FOXP1: variants seen among roughly 807,000 people sequenced by gnomAD.
The protein encoded by FOXP1 is forkhead box P1, also known as forkhead box protein P1.
A neutral mutation model predicts 98.2 loss-of-function variants in FOXP1; 15 were observed. The observed-to-expected ratio is 0.15, with a 90% CI of 0.10 to 0.24. FOXP1 has a LOEUF of 0.24. Ranked by LOEUF, FOXP1 falls within the 10% of genes least tolerant of loss-of-function variation. The probability of loss-of-function intolerance (pLI) is 1.00; values close to 1 mark genes in which losing one functional copy is unlikely to be tolerated. For synonymous variants in FOXP1, 371 were observed against 314.5 expected, an observed-to-expected ratio of 1.18 and a Z score of -1.90; for missense variants, 633 against 848.5, an observed-to-expected ratio of 0.75 and a Z score of 3.15.
intron 3 of FOXP1, among the ~76,000 whole-genome samples, chr3:71,459,033 A>C (rs1171741719): frequency 6.6e-6 from 1 of 151,940 alleles, no homozygotes; most frequent in Non-Finnish European, 1.5e-5. Context: ...TCAAGGCTTT[A>C]TTTTTTTTCT....
At chr3:71,340,688 T>C (rs2076960285) in intron 4 of FOXP1, among the ~76,000 whole-genome samples, 1 of 152,204 alleles carries the variant, frequency 6.6e-6, no homozygotes, top group Admixed American at 6.5e-5. Context: ...TAATGTTGGT[T>C]TGGCCTCAAT....
At chr3:71,178,138 C>CT (rs566282356) in intron 6 of FOXP1, among the ~76,000 whole-genome samples, 2,848 of 111,924 alleles carry the variant, frequency 0.025, 44 homozygotes, top group South Asian at 0.065. Flanking sequence ...CCCAGTCAGT[C>CT]TTTTTTTTTT....
At chr3:70,960,810 A>AGGG (rs1437899278) in intron 20 of FOXP1, among the ~76,000 whole-genome samples, 1 of 151,656 alleles carries the variant, frequency 6.6e-6, no homozygotes, top group African/African-American at 2.4e-5. Flanking sequence ...GAGAGCATTT[A>AGGG]GGGGGGCTAG....
intron 5 of FOXP1, among the ~76,000 whole-genome samples, chr3:71,265,596 G>A (rs1404842463): frequency 6.6e-6 from 1 of 152,162 alleles, no homozygotes; most frequent in Non-Finnish European, 1.5e-5. Context: ...TCTCTGTCTT[G>A]CACACACACA....
intron 2 of FOXP1, chr3:71,543,482 C>T (rs2045056838): frequency 6.6e-6 from 1 of 152,494 alleles, no homozygotes; most frequent in African/African-American, 2.4e-5. Context: ...CTCCAAGTGT[C>T]ATCATCCCAA....
At chr3:71,017,074 C>G (rs2044608372) in intron 11 of FOXP1, among the ~76,000 whole-genome samples, 1 of 151,324 alleles carries the variant, frequency 6.6e-6, no homozygotes. Context: ...GAAAGGTGCC[C>G]CTCATACAAG....
chr3:71,318,925 C>A (rs890421068), intron 4 of FOXP1, among the ~76,000 whole-genome samples: 1 of 152,086 alleles, frequency 6.6e-6, no homozygotes, highest in Non-Finnish European at 1.5e-5. Flanking sequence ...GGTTACTGAG[C>A]GTAAAGATGT....
intron 6 of FOXP1, among the ~76,000 whole-genome samples, chr3:71,148,819 T>C (rs1318266520): frequency 6.6e-6 from 1 of 152,220 alleles, no homozygotes; most frequent in Non-Finnish European, 1.5e-5. Flanking sequence ...ATCCTGCTTT[T>C]CCAGTCCAGC....
At chr3:71,083,102 C>T (rs1163011287) in intron 7 of FOXP1, among the ~76,000 whole-genome samples, 4 of 152,148 alleles carry the variant, frequency 2.6e-5, no homozygotes, top group Non-Finnish European at 5.9e-5. Flanking sequence ...CCCACCAAAT[C>T]TTGTGTTGAA....
At chr3:71,281,687 T>G (rs1223293010) in intron 5 of FOXP1, among the ~76,000 whole-genome samples, 2 of 152,226 alleles carry the variant, frequency 1.3e-5, no homozygotes, top group African/African-American at 4.8e-5. Context: ...CTGGAAAACC[T>G]GTTCACAGTA....
rs1465191814 is a variant in FOXP1 at position 70,977,907 on chromosome 3, G to A, written c.1269C>T (p.Val423=). 6.2e-7 allele frequency: 1 copy of A among 1,614,188 alleles called. No individual in the cohort carries two copies. Among genetic ancestry groups the A allele is most frequent in the Non-Finnish European group, 8.5e-7 (1 of 1,180,028 alleles). Residue 423 remains valine, a synonymous_variant, in exon 15 of 21, where the codon GTC becomes GTT. Coordinates refer to ENST00000649528, the MANE Select transcript of FOXP1 (RefSeq NM_001349338.3). ...PLTPVTQGPS[V]ITTTSMHTVG... ...CCGTGTGCATGCTGGTGGTTGTGAT[G>A]ACAGAGGGGCCTTGGGTGACGGGAG...
chr3:71,052,423 A>G, intron 9 of FOXP1, 114 bp downstream of exon 9: 1 of 770,612 alleles, frequency 1.3e-6, no homozygotes, highest in Non-Finnish European at 2.4e-6. Flanking sequence ...AAAGCTGAGA[A>G]CCGATAGAGT....
intron 2 of FOXP1, among the ~76,000 whole-genome samples, chr3:71,544,379 A>G (rs1038463124): frequency 2.9e-5 from 4 of 139,762 alleles, no homozygotes; most frequent in African/African-American, 5.2e-5. Flanking sequence ...AAAGAAATGG[A>G]AAAAAAAAAA....
At chr3:71,479,121 T>C (rs2090080867) in intron 3 of FOXP1, among the ~76,000 whole-genome samples, 1 of 152,216 alleles carries the variant, frequency 6.6e-6, no homozygotes, top group Non-Finnish European at 1.5e-5. Flanking sequence ...GCACAATTTA[T>C]ATGCATTAAA....
chr3:71,144,950 T>G (rs148748617), intron 6 of FOXP1, among the ~76,000 whole-genome samples: 2 of 152,318 alleles, frequency 1.3e-5, no homozygotes, highest in Admixed American at 1.3e-4. Context: ...CTTTGGAGAT[T>G]GGCTTTTTTT....
rs111611558 is a variant in FOXP1 at position 71,510,080 on chromosome 3, C to T, written c.-297-16525G>A. On this transcript the variant is annotated intron_variant, in intron 2 of 20. Transcript: ENST00000649528. Reference sequence around the variant, plus strand: ...CCTGTAATCCCAGCTACCAGGGAGGCTGAGGCAGGAGAATCGCTTGAACCC... The same window carrying T: ...CCTGTAATCCCAGCTACCAGGGAGGTTGAGGCAGGAGAATCGCTTGAACCC... Among the ~76,000 whole-genome samples the T allele has an allele frequency of 7.6e-3, 1,160 of 152,218 alleles. 12 individuals are homozygous for T. The highest frequency in any genetic ancestry group is 0.025 in the African/African-American group (1,052 of 41,514).
intron 5 of FOXP1, among the ~76,000 whole-genome samples, chr3:71,281,241 TAA>T (rs34268092): frequency 1.6e-5 from 2 of 128,600 alleles, no homozygotes; most frequent in Admixed American, 7.5e-5. Context: ...ATAAAAATTT[TAA>T]AAAAAAAAAG....
intron 3 of FOXP1, among the ~76,000 whole-genome samples, chr3:71,490,561 G>A (rs1246967333): frequency 1.3e-5 from 2 of 151,946 alleles, no homozygotes; most frequent in South Asian, 2.1e-4. Flanking sequence ...CAGGATTTCA[G>A]GCACCTCTAC....
intron 5 of FOXP1, among the ~76,000 whole-genome samples, chr3:71,270,257 C>T (rs908097379): frequency 7.2e-5 from 11 of 152,180 alleles, no homozygotes; most frequent in African/African-American, 2.4e-4. Flanking sequence ...GGAAACACAG[C>T]AAGCAATAAA....
Sources: allele counts gnomAD v4.1 joint callset (sites outside exome capture counted in the v4.1 genomes callset), GRCh38; gene constraint gnomAD v4.1.1; transcripts MANE v1.5; gene names NCBI Gene and HGNC (gene_info 2026-07-23, HGNC 2026-07-21).